RGS12: variants seen among roughly 807,000 people sequenced by gnomAD.
The protein encoded by RGS12 is regulator of G-protein signaling 12.
RGS12 carries 66 observed loss-of-function variants against 120.1 expected under a neutral mutation model. The observed-to-expected ratio is 0.55, with a 90% CI of 0.45 to 0.67. The LOEUF is 0.67. Among genes scored for constraint, RGS12 ranks in the 30% least tolerant of loss-of-function variants. The probability of loss-of-function intolerance (pLI) is 0.00; values close to 1 mark genes in which losing one functional copy is unlikely to be tolerated. For synonymous variants in RGS12, 827 were observed against 804.7 expected (o/e 1.03, Z -0.47); for missense variants, 1,859 against 1,957.7 (o/e 0.95, Z 0.95).
At chr4:3,403,743 G>A (rs1242278693) in intron 4 of RGS12, among the ~76,000 whole-genome samples, 1 of 152,218 alleles carries the variant, frequency 6.6e-6, no homozygotes, top group Non-Finnish European at 1.5e-5. Context: ...TGCCCGACAT[G>A]TCCTCCTTCC....
At chr4:3,422,351 G>A (rs201941799) in intron 10 of RGS12, 25 bp from the exon 11 acceptor site, 102 of 1,596,802 alleles carry the variant, frequency 6.4e-5, no homozygotes, top group Admixed American at 3.4e-4. Context: ...GTTCCCTCAC[G>A]GCTGCTTGTC....
chr4:3,332,018 G>A (rs1711906311), intron 2 of RGS12, among the ~76,000 whole-genome samples: 1 of 152,222 alleles, frequency 6.6e-6, no homozygotes, highest in South Asian at 2.1e-4. Flanking sequence ...GAGGGGCTGG[G>A]AAGCAGTGGA....
intron 3 of RGS12, among the ~76,000 whole-genome samples, chr4:3,379,276 C>T (rs1204050387): frequency 1.3e-5 from 2 of 152,034 alleles, no homozygotes; most frequent in Non-Finnish European, 2.9e-5. Flanking sequence ...GTTCTAGAGA[C>T]CTGATGTACA....
intron 10 of RGS12, among the ~76,000 whole-genome samples, 180 bp downstream of exon 10, chr4:3,420,898 C>T (rs888459695): frequency 4.6e-5 from 7 of 152,252 alleles, no homozygotes; most frequent in African/African-American, 1.7e-4. Flanking sequence ...GGCCCAGTGC[C>T]CCATCAGGCC....
At chr4:3,402,291 A>T (rs1401929788) in intron 4 of RGS12, among the ~76,000 whole-genome samples, 1 of 152,184 alleles carries the variant, frequency 6.6e-6, no homozygotes. Flanking sequence ...AGCATCCACC[A>T]TCTGCCCCTG....
intron 2 of RGS12, among the ~76,000 whole-genome samples, chr4:3,342,014 GA>G (rs1289590459): frequency 6.6e-6 from 1 of 151,644 alleles, no homozygotes; most frequent in African/African-American, 2.4e-5. Context: ...TGGTCAAGGA[GA>G]GGGGAGAGGC....
intron 3 of RGS12, among the ~76,000 whole-genome samples, chr4:3,371,772 T>C (rs13115912): frequency 0.38 from 58,359 of 151,986 alleles, 12,082 homozygotes; most frequent in African/African-American, 0.56. Context: ...CCTTCTAAGC[T>C]TCAGGTAGTT....
At position 3,317,889 on chromosome 4, in the gene RGS12, C is replaced by G. The variant is rs1417468146; in HGVS notation, c.1719C>G (p.Pro573=). The G allele has an allele frequency of 6.2e-7, 1 of 1,613,892 alleles. No homozygotes were observed. Among genetic ancestry groups the G allele is most frequent in the East Asian group, 2.2e-5 (1 of 44,882 alleles). ...CCAGCATCAACTGCGGCACACTGCC[C>G]CCTCCTATGAGCAAGATCCCCGCAG... The part of the protein sequence containing the change: ...GWSSINCGTL[P]PPMSKIPADR... The change falls in exon 2 of 18, where the codon CCC becomes CCG. Residue 573 remains proline (P), a synonymous_variant. Transcript: ENST00000336727.
chr4:3,307,005 T>C (rs754402069), intron 1 of RGS12, among the ~76,000 whole-genome samples: 8 of 152,174 alleles, frequency 5.3e-5, no homozygotes, highest in Non-Finnish European at 1.2e-4. Flanking sequence ...CAGTTTCCGA[T>C]GTTTGGTTTC....
chr4:3,337,113 C>T (rs1415961488), intron 2 of RGS12, among the ~76,000 whole-genome samples: 4 of 152,184 alleles, frequency 2.6e-5, no homozygotes, highest in Non-Finnish European at 2.9e-5. Context: ...CCAACATCAT[C>T]AATTATTAGG....
chr4:3,326,556 A>G (rs1725567823), intron 2 of RGS12, among the ~76,000 whole-genome samples: 1 of 152,210 alleles, frequency 6.6e-6, no homozygotes, highest in African/African-American at 2.4e-5. Context: ...GTGATCTTAT[A>G]TCTAGAAAAA....
At chr4:3,336,327 C>CT (rs1216464533) in intron 2 of RGS12, among the ~76,000 whole-genome samples, 2 of 152,222 alleles carry the variant, frequency 1.3e-5, no homozygotes, top group Non-Finnish European at 1.5e-5. Flanking sequence ...CAATACCAAG[C>CT]TACCCCTTCT....
rs558299864 is a variant in RGS12, at chr4:3,381,637, A to G, written c.1999-4779A>G. 5.9e-5 allele frequency among the ~76,000 whole-genome samples: 9 copies of G among 152,330 alleles called. 1 individual carries two copies. The East Asian group carries it at 1.7e-3, about 29-fold the overall frequency. On this transcript the variant is annotated intron_variant, in intron 3 of 17. Coordinates refer to ENST00000336727, the MANE Select transcript of RGS12 (RefSeq NM_001394154.1). ...CCTTATAAAACCGTCAGATCTTGTG[A>G]GAACTCACTATCACAACAGCATGAG...
chr4:3,311,396 G>GA (rs1322087142), intron 1 of RGS12, among the ~76,000 whole-genome samples: 2 of 152,242 alleles, frequency 1.3e-5, no homozygotes, highest in African/African-American at 4.8e-5. Context: ...GAAGGGAATA[G>GA]AAAAGTGTCA....
rs1477199842 is a variant in RGS12, at chr4:3,367,865, G to A, written c.1999-18551G>A. Among the ~76,000 whole-genome samples, 4 of 152,244 alleles carry A rather than the reference G, an allele frequency of 2.6e-5. 1 individual carries two copies. The South Asian group carries it at 8.3e-4, about 31-fold the overall frequency. ...CCTGTTGTTGGAGGCCCTGTTGTTA[G>A]TGACCGGACAGCAACAGGCGGACCC... On this transcript the variant is annotated intron_variant, in intron 3 of 17. Transcript: ENST00000336727.
chr4:3,311,087 G>C (rs1296748016), intron 1 of RGS12, among the ~76,000 whole-genome samples: 1 of 152,144 alleles, frequency 6.6e-6, no homozygotes, highest in African/African-American at 2.4e-5. Context: ...GCAGCCCGTG[G>C]GGTCACCCTG....
intron 4 of RGS12, among the ~76,000 whole-genome samples, chr4:3,392,158 C>T (rs1396675081): frequency 2.6e-5 from 4 of 152,138 alleles, no homozygotes; most frequent in South Asian, 2.1e-4. Flanking sequence ...GGGCTTTTCT[C>T]AGGGACAGGA....
At position 3,316,481 on chromosome 4, in the gene RGS12, C is replaced by A; in HGVS notation, c.311C>A (p.Ser104Tyr). ...GCTGAAGGCGTCGGCCGCTTCGAAT[C>A]CTGTTCCAGTGATGAAGAAGGGGGA... The part of the protein sequence containing the change: ...VIAEGVGRFE[S>Y]CSSDEEGGLY... The change falls in exon 2 of 18, where the codon TCC becomes TAC. Residue 104 changes from serine to tyrosine, a missense_variant. Ser to Tyr is a moderately radical substitution (Grantham distance 144). Around this residue, in one of 3 missense-constraint regions of RGS12, gnomAD observed 967 missense variants for 994.2 expected, o/e 0.97. Coordinates refer to ENST00000336727, the MANE Select transcript of RGS12 (RefSeq NM_001394154.1). 6.2e-7 allele frequency: 1 copy of A among 1,614,164 alleles called. No homozygotes were observed. Among genetic ancestry groups the A allele is most frequent in the Non-Finnish European group, 8.5e-7 (1 of 1,180,038 alleles).
chr4:3,290,153 C>T (rs151247266), upstream of RGS12, among the ~76,000 whole-genome samples: 238 of 152,316 alleles, frequency 1.6e-3, 2 homozygotes, highest in African/African-American at 5.4e-3. Context: ...ATTTCATTTC[C>T]TTTGGATACA....
Sources: gnomAD v4.1 joint callset for allele counts (sites outside exome capture counted in the v4.1 genomes callset) on GRCh38, gnomAD v4.1.1 for gene constraint, gnomAD v4.1.1 regional missense constraint, MANE v1.5 for transcripts, NCBI Gene and HGNC (gene_info 2026-07-23, HGNC 2026-07-21) for gene names.